Variants in KLF13 observed in about 807,000 individuals in gnomAD.
KLF13 encodes the protein Krueppel-like factor 13.
KLF13 carries 8 observed loss-of-function variants against 16.7 expected under a neutral mutation model. The observed-to-expected ratio is 0.48, with a 90% CI of 0.28 to 0.87. The LOEUF (loss-of-function observed/expected upper bound fraction) is 0.87. Among genes scored for constraint, KLF13 ranks in the 40% least tolerant of loss-of-function variants. The pLI is 0.10. For missense variants in KLF13, 447 were observed against 452.2 expected, an observed-to-expected ratio of 0.99 and a Z score of 0.10; for synonymous variants, 245 against 208.4, an observed-to-expected ratio of 1.18 and a Z score of -1.51.
intron 1 of KLF13, among the ~76,000 whole-genome samples, chr15:31,343,645 T>G (rs1158780539): frequency 6.6e-6 from 1 of 152,208 alleles, no homozygotes; most frequent in East Asian, 1.9e-4. Context: ...GGAGATGATT[T>G]CCAACTTCAA....
intron 1 of KLF13, among the ~76,000 whole-genome samples, chr15:31,354,395 T>C (rs2039266418): frequency 6.6e-6 from 1 of 152,196 alleles, no homozygotes. Flanking sequence ...TGTTTTTGTT[T>C]TTGAGACAGA....
intron 1 of KLF13, among the ~76,000 whole-genome samples, chr15:31,342,311 C>T (rs1373348798): frequency 6.6e-6 from 1 of 152,202 alleles, no homozygotes; most frequent in African/African-American, 2.4e-5. Flanking sequence ...CAGGCATTCT[C>T]TGGGTGAGAC....
At chr15:31,357,926 C>T (rs1476923859) in intron 1 of KLF13, among the ~76,000 whole-genome samples, 1 of 152,152 alleles carries the variant, frequency 6.6e-6, no homozygotes, top group Non-Finnish European at 1.5e-5. Flanking sequence ...ACTCTCTTTC[C>T]CTTTTGCTTT....
rs1555381032 is a variant in KLF13, at chr15:31,402,874, C to CACA, written n.530-553_530-552insCAA. ...TACTAAAATGTGGGGAAAAAAAAAA[C>CACA]AACTTTTAAGTGTTTGCCTTGGAGG... On this transcript the variant is annotated intron_variant and non_coding_transcript_variant, in intron 2 of 2. Coordinates refer to the KLF13 transcript ENST00000500533. Among the ~76,000 whole-genome samples, 1,199 of 151,612 alleles carry CACA rather than the reference C, an allele frequency of 7.9e-3. 16 individuals are homozygous for CACA. Among genetic ancestry groups the CACA allele is most frequent in the African/African-American group, 0.028 (1,147 of 41,304 alleles).
chr15:31,433,669 G>T (rs1050449026), intron 1 of KLF13, among the ~76,000 whole-genome samples: 1 of 151,796 alleles, frequency 6.6e-6, no homozygotes, highest in Non-Finnish European at 1.5e-5. Flanking sequence ...ACCTTTGTGG[G>T]CCCCAGGGAA....
At chr15:31,328,099 C>T (rs998979984) in intron 1 of KLF13, among the ~76,000 whole-genome samples, 1 of 139,026 alleles carries the variant, frequency 7.2e-6, no homozygotes, top group African/African-American at 2.7e-5. Context: ...GGGACCCCTC[C>T]CGGCCGGGAG....
chr15:31,349,169 C>T (rs1475345594), intron 1 of KLF13, among the ~76,000 whole-genome samples: 1 of 152,216 alleles, frequency 6.6e-6, no homozygotes, highest in Non-Finnish European at 1.5e-5. Context: ...TGCAGGCCTA[C>T]TCCCCCAACT....
At chr15:31,379,683 A>G (rs959584690), downstream of KLF13, among the ~76,000 whole-genome samples, 1 of 152,158 alleles carries the variant, frequency 6.6e-6, no homozygotes, top group Non-Finnish European at 1.5e-5. Context: ...TTTTCTTCTC[A>G]CGCTTTCTTT....
At chr15:31,386,534 T>C (rs2039798695) in intron 1 of KLF13, among the ~76,000 whole-genome samples, 1 of 152,112 alleles carries the variant, frequency 6.6e-6, no homozygotes, top group Non-Finnish European at 1.5e-5. Context: ...AGAAGGCATC[T>C]CCACAACATA....
At chr15:31,371,927 T>C in intron 1 of KLF13, 83 bp from the exon 2 acceptor site, 2 of 1,429,276 alleles carry the variant, frequency 1.4e-6, no homozygotes, top group Non-Finnish European at 1.9e-6. Context: ...GACCAGGGTG[T>C]TGGGTGTTGC....
chr15:31,333,949 T>A (rs1566801854), intron 1 of KLF13, among the ~76,000 whole-genome samples: 1 of 139,776 alleles, frequency 7.2e-6, no homozygotes, highest in Non-Finnish European at 1.7e-5. Flanking sequence ...TTCCATCGCC[T>A]CATGGGGGGG....
intron 1 of KLF13, among the ~76,000 whole-genome samples, chr15:31,344,463 T>A (rs563942810): frequency 2.6e-5 from 4 of 152,042 alleles, no homozygotes; most frequent in Non-Finnish European, 5.9e-5. Context: ...TTTGCCAAGC[T>A]TGGCTCCTCA....
chr15:31,378,525 G>A (rs185564536), downstream of KLF13, among the ~76,000 whole-genome samples: 8 of 152,256 alleles, frequency 5.3e-5, no homozygotes, highest in Non-Finnish European at 1.0e-4. Context: ...CCTCATCGGA[G>A]GCAGTGGGAA....
chr15:31,402,363 G>A lies in KLF13; in HGVS notation n.530-1065G>A, dbSNP rs534437644. On this transcript the variant is annotated intron_variant and non_coding_transcript_variant, in intron 2 of 2. Transcript: ENST00000500533. ...CCCACAGGGGCACCTCTAGGGGTGG[G>A]AGATGAAAGCAGTGTGCTTGGGGCA... Among the ~76,000 whole-genome samples, 13 of 152,348 alleles carry A rather than the reference G, an allele frequency of 8.5e-5. No individual in the cohort carries two copies. In the South Asian group the frequency reaches 2.3e-3, roughly 27 times the overall value.
At chr15:31,345,930 C>T (rs551379219) in intron 1 of KLF13, among the ~76,000 whole-genome samples, 4 of 152,200 alleles carry the variant, frequency 2.6e-5, no homozygotes, top group South Asian at 2.1e-4. Flanking sequence ...CGGAGGGTTC[C>T]GTTTGTAGGC....
At chr15:31,397,477 G>T (rs923680746) in intron 2 of KLF13, among the ~76,000 whole-genome samples, 2 of 152,238 alleles carry the variant, frequency 1.3e-5, no homozygotes, top group African/African-American at 2.4e-5. Flanking sequence ...AGACGCCTCG[G>T]AGTGGGAGGG....
chr15:31,398,353 G>A (rs1051087841), intron 2 of KLF13, among the ~76,000 whole-genome samples: 2 of 152,172 alleles, frequency 1.3e-5, no homozygotes, highest in South Asian at 2.1e-4. Context: ...TTTAGAAGGC[G>A]TATGGGGGTG....
At chr15:31,413,203 C>CAAAAAA in intron 1 of KLF13, among the ~76,000 whole-genome samples, 1 of 130,240 alleles carries the variant, frequency 7.7e-6, no homozygotes, top group Non-Finnish European at 1.6e-5. Flanking sequence ...AAAAAAAAAA[C>CAAAAAA]AAAAAACAAA....
At chr15:31,423,110 T>TAC (rs2040352353) in intron 1 of KLF13, among the ~76,000 whole-genome samples, 1 of 119,120 alleles carries the variant, frequency 8.4e-6, no homozygotes, top group Non-Finnish European at 1.6e-5. Context: ...CGTATACGTA[T>TAC]ACGTATATAT....
Sources: gnomAD v4.1 joint callset for allele counts (sites outside exome capture counted in the v4.1 genomes callset) on GRCh38, gnomAD v4.1.1 for gene constraint, MANE v1.5 for transcripts, NCBI Gene and HGNC (gene_info 2026-07-23, HGNC 2026-07-21) for gene names.